Variants in ZBTB8A observed in about 807,000 individuals in gnomAD.
ZBTB8A encodes zinc finger and BTB domain containing 8A, also known as zinc finger and BTB domain-containing protein 8A.
In ZBTB8A, 19 loss-of-function variants were observed where a neutral mutation model predicts 37.8. The ratio of observed to expected loss-of-function variants is 0.50; its 90% CI spans 0.35 to 0.74. The LOEUF (loss-of-function observed/expected upper bound fraction) is 0.74, where lower values mean the gene tolerates loss of function less well. Ranked by LOEUF, ZBTB8A falls within the 30% of genes least tolerant of loss-of-function variation. ZBTB8A has a pLI of 0.01. For synonymous variants in ZBTB8A, 181 were observed against 185.2 expected, an observed-to-expected ratio of 0.98 and a Z score of 0.19; for missense variants, 394 against 537.8, an observed-to-expected ratio of 0.73 and a Z score of 2.65.
chr1:32,541,842 C>G (rs1644057984), intron 1 of ZBTB8A, among the ~76,000 whole-genome samples: 1 of 152,132 alleles, frequency 6.6e-6, no homozygotes, highest in South Asian at 2.1e-4. Context: ...AAAGATGATA[C>G]CGTTGCAATC....
At chr1:32,554,375 TAAG>T (rs1207404376) in intron 2 of ZBTB8A, among the ~76,000 whole-genome samples, 2 of 151,798 alleles carry the variant, frequency 1.3e-5, no homozygotes, top group Non-Finnish European at 2.9e-5. Context: ...AATACTCTCT[TAAG>T]GAGGTGTAGT....
At chr1:32,572,406 C>G (rs147372835) in intron 2 of ZBTB8A, among the ~76,000 whole-genome samples, 4 of 137,044 alleles carry the variant, frequency 2.9e-5, no homozygotes, top group Non-Finnish European at 6.4e-5. Flanking sequence ...TTTTTTTTTT[C>G]TTTTTTTGAG....
chr1:32,539,472 G>A lies in ZBTB8A; in HGVS notation c.-184G>A, dbSNP rs887312290. 6.6e-6 allele frequency: 1 copy of A among 152,448 alleles called. No homozygotes were observed. The highest frequency in any genetic ancestry group is 2.4e-5 in the African/African-American group (1 of 41,422). The allele number at this position is 152,448 out of a possible 1,614,324, so 9.4% of individuals were successfully genotyped here. A position where few individuals can be genotyped will look rare whatever the true frequency, so the allele number is the denominator to read the frequency against. ...CTCACGTTGGGGCTACTTGTTTTAG[G>A]GCGCAAAGGAACGGCCTCGAAAGGG... On this transcript the variant is annotated 5_prime_UTR_variant, in exon 1 of 5. Coordinates refer to ENST00000373510, the MANE Select transcript of ZBTB8A (RefSeq NM_001040441.3).
chr1:32,558,075 C>T (rs963887591), intron 2 of ZBTB8A, among the ~76,000 whole-genome samples: 1 of 152,054 alleles, frequency 6.6e-6, no homozygotes, highest in Non-Finnish European at 1.5e-5. Context: ...ATATCACATA[C>T]ACATATATAA....
intron 1 of ZBTB8A, among the ~76,000 whole-genome samples, 189 bp downstream of exon 1, chr1:32,539,761 G>GCGGCC: frequency 1.3e-3 from 1 of 798 alleles, no homozygotes; most frequent in African/African-American, 5.4e-3. Flanking sequence ...GGGGCTGCGG[G>GCGGCC]ACAATGGCCG....
intron 2 of ZBTB8A, among the ~76,000 whole-genome samples, chr1:32,579,623 T>G (rs61781244): frequency 0.083 from 12,560 of 152,160 alleles, 779 homozygotes; most frequent in East Asian, 0.25. Flanking sequence ...CACCTCATGT[T>G]CCTGAACACT....
Position 32,561,131 on chromosome 1 carries a change from G to T in ZBTB8A, c.-2+7591G>T, listed in dbSNP as rs1203457003. 1.6e-4 allele frequency among the ~76,000 whole-genome samples: 21 copies of T among 131,612 alleles called. No homozygotes were observed. The Admixed American group carries it at 1.9e-3, about 12-fold the overall frequency. The allele number at this position is 131,612 out of a possible 152,430, so 86.3% of individuals were successfully genotyped here. On this transcript the variant is annotated intron_variant, in intron 2 of 4. Coordinates refer to ENST00000373510, the MANE Select transcript of ZBTB8A (RefSeq NM_001040441.3). ...CAAACTCTTTAATGAAGCAAATAAG[G>T]TGCTCCACCCATTTCTCACCATCTC...
At chr1:32,547,191 A>C (rs1044010947) in intron 1 of ZBTB8A, among the ~76,000 whole-genome samples, 1 of 151,930 alleles carries the variant, frequency 6.6e-6, no homozygotes, top group Admixed American at 6.6e-5. Flanking sequence ...GATATGAGCT[A>C]CCATGCCCGG....
chr1:32,595,310 C>A, intron 4 of ZBTB8A, 87 bp downstream of exon 4: 1 of 1,353,712 alleles, frequency 7.4e-7, no homozygotes, highest in Non-Finnish European at 1.0e-6. Flanking sequence ...CTCTTGTTGC[C>A]AGGCTGGAGT....
At chr1:32,550,178 C>T (rs7514359) in intron 1 of ZBTB8A, among the ~76,000 whole-genome samples, 17,245 of 151,424 alleles carry the variant, frequency 0.11, 1,076 homozygotes, top group African/African-American at 0.18. Flanking sequence ...GGCAATATAT[C>T]GAGACCCTTT....
chr1:32,559,086 T>G (rs957143053), intron 2 of ZBTB8A, among the ~76,000 whole-genome samples: 1 of 152,190 alleles, frequency 6.6e-6, no homozygotes, highest in Admixed American at 6.6e-5. Context: ...CAAGTCCTGC[T>G]GATTTTACCT....
chr1:32,603,445 CAATT>C lies in ZBTB8A; in HGVS notation c.*3029_*3032del, dbSNP rs1393511601. The C allele has an allele frequency of 6.6e-6, 1 of 152,198 alleles. No homozygotes were observed. Among genetic ancestry groups the C allele is most frequent in the Non-Finnish European group, 1.5e-5 (1 of 68,008 alleles). 9.4% of individuals were successfully genotyped at this position (152,198 alleles called of 1,614,324 possible). A position where few individuals can be genotyped will look rare whatever the true frequency, so the allele number is the denominator to read the frequency against. On this transcript the variant is annotated 3_prime_UTR_variant, in exon 5 of 5. Transcript: ENST00000373510. ...GCCCGGCCTAAATCAGGATTCTTAACAATTAAAGTGTATCTGAATGAGGAAGGAA... is the reference window on the plus strand; with the variant it reads ...GCCCGGCCTAAATCAGGATTCTTAACAAAGTGTATCTGAATGAGGAAGGAA...
At chr1:32,573,933 G>A (rs187310256) in intron 2 of ZBTB8A, among the ~76,000 whole-genome samples, 226 of 151,418 alleles carry the variant, frequency 1.5e-3, no homozygotes, top group Middle Eastern at 3.4e-3. Flanking sequence ...AAAATTAGCC[G>A]GGTGTGGCAG....
intron 1 of ZBTB8A, among the ~76,000 whole-genome samples, chr1:32,540,162 C>T (rs1570298372): frequency 6.6e-6 from 1 of 152,296 alleles, no homozygotes; most frequent in Middle Eastern, 3.4e-3. Context: ...GAGCTCCCAA[C>T]TATTTGCTTC....
intron 2 of ZBTB8A, among the ~76,000 whole-genome samples, chr1:32,582,731 A>C (rs984767133): frequency 2.0e-5 from 3 of 152,014 alleles, no homozygotes; most frequent in Non-Finnish European, 4.4e-5. Context: ...CTTGTTCCGC[A>C]CTTGTCTGAC....
At chr1:32,590,513 C>T (rs1246002047) in intron 2 of ZBTB8A, among the ~76,000 whole-genome samples, 3 of 152,190 alleles carry the variant, frequency 2.0e-5, no homozygotes, top group African/African-American at 7.2e-5. Context: ...GACCTAGTCC[C>T]TTAGCCATTA....
At chr1:32,552,385 C>T (rs1052675913) in intron 1 of ZBTB8A, among the ~76,000 whole-genome samples, 2 of 151,958 alleles carry the variant, frequency 1.3e-5, no homozygotes, top group Admixed American at 6.6e-5. Flanking sequence ...AATGGCCAGG[C>T]GTGGTGGCTC....
At chr1:32,568,042 T>C (rs1041939225) in intron 2 of ZBTB8A, among the ~76,000 whole-genome samples, 4 of 151,606 alleles carry the variant, frequency 2.6e-5, no homozygotes, top group African/African-American at 7.2e-5. Context: ...TTAGGGAGGC[T>C]GAGGCAGGAG....
intron 2 of ZBTB8A, among the ~76,000 whole-genome samples, chr1:32,556,781 G>T (rs2148221401): frequency 6.6e-6 from 1 of 152,068 alleles, no homozygotes; most frequent in East Asian, 1.9e-4. Flanking sequence ...GGAGGCTGAG[G>T]CAGAAGAATC....
Sources: allele counts gnomAD v4.1 joint callset (sites outside exome capture counted in the v4.1 genomes callset), GRCh38; gene constraint gnomAD v4.1.1; transcripts MANE v1.5; gene names NCBI Gene and HGNC (gene_info 2026-07-23, HGNC 2026-07-21).